SLC9C1: variants seen among roughly 807,000 people sequenced by gnomAD.
SLC9C1 encodes the protein sodium/hydrogen exchanger 10.
A neutral mutation model predicts 140.9 loss-of-function variants in SLC9C1; 97 were observed. The ratio of observed to expected loss-of-function variants is 0.69; its 90% CI spans 0.58 to 0.82. The LOEUF (loss-of-function observed/expected upper bound fraction) is 0.82, where lower values mean the gene tolerates loss of function less well. Ranked by LOEUF, SLC9C1 falls within the 40% of genes least tolerant of loss-of-function variation. The pLI, the probability that SLC9C1 is intolerant of heterozygous loss-of-function variation, is 0.00. For synonymous variants in SLC9C1, 440 were observed against 442.6 expected (o/e 0.99, Z 0.07); for missense variants, 1,340 against 1,389.3 (o/e 0.96, Z 0.56).
intron 26 of SLC9C1, among the ~76,000 whole-genome samples, chr3:112,155,799 C>T (rs1048841115): frequency 2.0e-5 from 3 of 151,918 alleles, no homozygotes; most frequent in African/African-American, 7.3e-5. Flanking sequence ...CAAAACCATG[C>T]CCTGTATATG....
At chr3:112,159,821 TG>T (rs2075236931) in intron 26 of SLC9C1, among the ~76,000 whole-genome samples, 1 of 116,624 alleles carries the variant, frequency 8.6e-6, no homozygotes, top group Non-Finnish European at 1.9e-5. Context: ...TGACCTTTTT[TG>T]TTCTTTTTTT....
chr3:112,264,489 A>T, intron 8 of SLC9C1, 146 bp from the exon 9 acceptor site: 1 of 363,932 alleles, frequency 2.7e-6, no homozygotes. Flanking sequence ...GTAGCTGAAA[A>T]TGATGAAAAG....
At chr3:112,149,454 TGGA>T (rs956424157) in intron 28 of SLC9C1, among the ~76,000 whole-genome samples, 3 of 151,708 alleles carry the variant, frequency 2.0e-5, no homozygotes, top group African/African-American at 4.8e-5. Flanking sequence ...TGCCTAAGTG[TGGA>T]GTAGAGAGAG....
At chr3:112,277,881 T>TA in intron 4 of SLC9C1, 21 bp from the exon 5 acceptor site, 3 of 1,574,282 alleles carry the variant, frequency 1.9e-6, no homozygotes, top group Non-Finnish European at 2.6e-6. Flanking sequence ...ATTTTACAAT[T>TA]AGAAAAATCA....
At chr3:112,237,686 T>C (rs548250756) in intron 12 of SLC9C1, among the ~76,000 whole-genome samples, 3 of 152,290 alleles carry the variant, frequency 2.0e-5, no homozygotes, top group African/African-American at 7.2e-5. Flanking sequence ...TGCTTGTCTG[T>C]AAAGGATTTT....
chr3:112,248,125 TGGAGA>T (rs2079344561), intron 10 of SLC9C1, among the ~76,000 whole-genome samples: 2 of 152,264 alleles, frequency 1.3e-5, no homozygotes, highest in Admixed American at 1.3e-4. Context: ...AGCTGACCTA[TGGAGA>T]GGTCCAAATG....
At chr3:112,222,783 C>A (rs1466696502) in intron 13 of SLC9C1, among the ~76,000 whole-genome samples, 1 of 151,986 alleles carries the variant, frequency 6.6e-6, no homozygotes, top group African/African-American at 2.4e-5. Context: ...TTTTAAGTTA[C>A]AAGGAAATAG....
chr3:112,259,057 A>G (rs2079693881), intron 10 of SLC9C1, among the ~76,000 whole-genome samples: 1 of 152,120 alleles, frequency 6.6e-6, no homozygotes, highest in Non-Finnish European at 1.5e-5. Flanking sequence ...GGGAATTACA[A>G]TTCAACATGA....
At position 112,168,960 on chromosome 3, in the gene SLC9C1, T is replaced by C; in HGVS notation, c.3154A>G (p.Ile1052Val). ...DIYDENLIYVILIHGAVEDCL... is the reference protein window; with the variant it reads ...DIYDENLIYVVLIHGAVEDCL... ...TCTTCTACAGCTCCATGTATGAGGA[T>C]AACATAGATTAGATTTTCATCATAA... The change falls in exon 25 of 29, where the codon ATC (isoleucine) becomes GTC (valine). Residue 1052 changes from isoleucine (I) to valine (V), a missense_variant. Ile to Val is a conservative substitution (Grantham distance 29, BLOSUM62 3). Coordinates refer to ENST00000305815, the MANE Select transcript of SLC9C1 (RefSeq NM_183061.3). 6 of 1,612,412 alleles carry C rather than the reference T, an allele frequency of 3.7e-6. No homozygotes were observed. Among genetic ancestry groups the C allele is most frequent in the Non-Finnish European group, 5.1e-6 (6 of 1,179,492 alleles).
At chr3:112,258,584 C>A (rs2079679510) in intron 10 of SLC9C1, among the ~76,000 whole-genome samples, 1 of 151,950 alleles carries the variant, frequency 6.6e-6, no homozygotes, top group South Asian at 2.1e-4. Context: ...CAGGTGCGCA[C>A]CACCACACAG....
rs1297901695 is a variant in SLC9C1, at chr3:112,250,019, C to T, written c.1198-5943G>A. On this transcript the variant is annotated intron_variant, in intron 10 of 28. Transcript: ENST00000305815. ...TGTTGGTGTGCTGCACCCATTAACT[C>T]GTCATTTAGCATTAGGTATATCTCC... Among the ~76,000 whole-genome samples, 13 of 151,520 alleles carry T rather than the reference C, an allele frequency of 8.6e-5. No homozygotes were observed. In the South Asian group the frequency reaches 2.3e-3, roughly 27 times the overall value.
intron 23 of SLC9C1, among the ~76,000 whole-genome samples, chr3:112,174,577 G>T (rs1422139595): frequency 6.6e-6 from 1 of 152,202 alleles, no homozygotes; most frequent in Non-Finnish European, 1.5e-5. Flanking sequence ...ATGCGCAGTT[G>T]TGGATGGAGC....
chr3:112,180,935 T>C (rs1316571609), intron 21 of SLC9C1, among the ~76,000 whole-genome samples: 2 of 152,148 alleles, frequency 1.3e-5, no homozygotes, highest in Admixed American at 1.3e-4. Context: ...TTTGCATTTT[T>C]AGTAGATACG....
chr3:112,216,341 C>A (rs1231123147), intron 15 of SLC9C1, among the ~76,000 whole-genome samples: 2 of 151,994 alleles, frequency 1.3e-5, no homozygotes, highest in Admixed American at 6.6e-5. Flanking sequence ...GCAACAAAAG[C>A]CAAAATTGAC....
Position 112,141,169 on chromosome 3 carries a change from C to T in SLC9C1, c.*103G>A, listed in dbSNP as rs868529418. ...AGCACCAAGATCATCCACACAGGAT[C>T]CAACCTGAAGTTACTCCTTCTTGAT... is the stretch of plus-strand genomic sequence containing the variant. On this transcript the variant is annotated 3_prime_UTR_variant, in exon 29 of 29. Coordinates refer to ENST00000305815, the MANE Select transcript of SLC9C1 (RefSeq NM_183061.3). 8.1e-7 allele frequency: 1 copy of T among 1,234,676 alleles called. No homozygotes were observed. Among genetic ancestry groups the T allele is most frequent in the Non-Finnish European group, 1.1e-6 (1 of 925,276 alleles). The allele number at this position is 1,234,676 out of a possible 1,614,324, so 76.5% of individuals were successfully genotyped here.
chr3:112,213,354 C>T (rs922867732), intron 15 of SLC9C1, among the ~76,000 whole-genome samples: 1 of 152,092 alleles, frequency 6.6e-6, no homozygotes, highest in Non-Finnish European at 1.5e-5. Context: ...CCACACATAA[C>T]AATATTAACC....
chr3:112,152,628 A>G (rs2075018693), intron 27 of SLC9C1, among the ~76,000 whole-genome samples: 1 of 152,102 alleles, frequency 6.6e-6, no homozygotes, highest in African/African-American at 2.4e-5. Flanking sequence ...CCATGAGGCC[A>G]TATCTCAGGC....
At chr3:112,196,197 T>C (rs74377894) in intron 20 of SLC9C1, among the ~76,000 whole-genome samples, 8 of 152,156 alleles carry the variant, frequency 5.3e-5, no homozygotes, top group East Asian at 3.9e-4. Context: ...TTTTTTTTTT[T>C]CCACTTCGAA....
intron 26 of SLC9C1, among the ~76,000 whole-genome samples, chr3:112,161,366 A>C (rs1043962843): frequency 2.0e-5 from 3 of 152,152 alleles, no homozygotes; most frequent in African/African-American, 7.2e-5. Context: ...CCTGAATGGT[A>C]ATGCCTAGGT....
Sources: allele counts gnomAD v4.1 joint callset (sites outside exome capture counted in the v4.1 genomes callset), GRCh38; gene constraint gnomAD v4.1.1; transcripts MANE v1.5; gene names NCBI Gene and HGNC (gene_info 2026-07-23, HGNC 2026-07-21).